EPHA1: variants seen among roughly 807,000 people sequenced by gnomAD.
EPHA1 encodes the protein EPH receptor A1.
A neutral mutation model predicts 110.1 loss-of-function variants in EPHA1; 92 were observed. That is an observed-to-expected ratio of 0.84 (90% CI 0.71 to 0.99). EPHA1 has a LOEUF of 0.99. EPHA1 is among the 50% of genes least tolerant of loss of function. The pLI is 0.00. For synonymous variants in EPHA1, 500 were observed against 516.1 expected, an observed-to-expected ratio of 0.97 and a Z score of 0.42; for missense variants, 1,204 against 1,285.4, an observed-to-expected ratio of 0.94 and a Z score of 0.97.
In EPHA1 at chr7:143,393,908, C is replaced by T. The variant is rs772319485; in HGVS notation, c.2503-44G>A. ...GGATGCTCTAGAGTAGCAAGCTAAC[C>T]TGGAGGCCCATGAGAAACCGACGGT... On this transcript the variant is annotated intron_variant, in intron 15 of 17. Transcript: ENST00000275815. The surrounding 1 kb of genome is among the most constrained non-coding windows in gnomAD (Gnocchi z 5.6). 6.6e-7 allele frequency: 1 copy of T among 1,508,958 alleles called. No homozygotes were observed. The highest frequency in any genetic ancestry group is 8.9e-7 in the Non-Finnish European group (1 of 1,127,802). 93.5% of individuals were successfully genotyped at this position (1,508,958 alleles called of 1,614,324 possible).
In EPHA1 at chr7:143,399,128, G is replaced by A. The variant is rs1563118083; in HGVS notation, c.991+130C>T. On this transcript the variant is annotated intron_variant, in intron 5 of 17. Coordinates refer to ENST00000275815, the MANE Select transcript of EPHA1 (RefSeq NM_005232.5). ...GGGAGAGCAGGGTGCCAGGGCAGGG[G>A]CTAAAAGTGCCTGACACCCTGGACC... The A allele has an allele frequency of 3.0e-6, 4 of 1,315,552 alleles. No individual in the cohort carries two copies. In the South Asian group the frequency reaches 5.5e-5, roughly 18 times the overall value. The allele number at this position is 1,315,552 out of a possible 1,614,324, so 81.5% of individuals were successfully genotyped here. A position where few individuals can be genotyped will look rare whatever the true frequency, so the allele number is the denominator to read the frequency against.
At chr7:143,391,836 C>G in intron 16 of EPHA1, 61 bp from the exon 17 acceptor site, 6 of 1,587,080 alleles carry the variant, frequency 3.8e-6, no homozygotes, top group Admixed American at 3.4e-5. Flanking sequence ...TGGCCTTGGC[C>G]TCTGAGCATC....
At chr7:143,402,084 T>G (rs1196496222) in intron 2 of EPHA1, among the ~76,000 whole-genome samples, 2 of 142,630 alleles carry the variant, frequency 1.4e-5, no homozygotes, top group Non-Finnish European at 3.1e-5. Flanking sequence ...CACTGGGCTA[T>G]TTTTTCTTTC....
chr7:143,396,048 A>G (rs921823779), intron 11 of EPHA1, among the ~76,000 whole-genome samples: 2 of 152,196 alleles, frequency 1.3e-5, no homozygotes, highest in Non-Finnish European at 2.9e-5. Context: ...TGAGTCCTAC[A>G]TTTGGGCATC....
rs1241651821 is a variant in EPHA1 at position 143,395,669 on chromosome 7, G to A, written c.1898-165C>T. ...GGGCTGTCCTTCCTGGGGAAGGTCA[G>A]AGTCTGGAGCTGGAGTGCAATGCCG... On this transcript the variant is annotated intron_variant, in intron 11 of 17. Transcript: ENST00000275815. The surrounding 1 kb of genome is among the most constrained non-coding windows in gnomAD (Gnocchi z 4.7). 2 of 699,718 alleles carry A rather than the reference G, an allele frequency of 2.9e-6. No individual in the cohort carries two copies. Among genetic ancestry groups the A allele is most frequent in the Non-Finnish European group, 4.7e-6 (2 of 427,452 alleles). 43.3% of individuals were successfully genotyped at this position (699,718 alleles called of 1,614,324 possible).
rs751843044 is a variant in EPHA1 at position 143,399,730 on chromosome 7, A to G, written c.756T>C (p.Asp252=). The G allele has an allele frequency of 6.2e-7, 1 of 1,613,964 alleles. No homozygotes were observed. The change falls in exon 4 of 18, where the codon GAT becomes GAC. Residue 252 remains aspartate, a synonymous_variant. Coordinates refer to ENST00000275815, the MANE Select transcript of EPHA1 (RefSeq NM_005232.5). ...SGAPRMHCSP[D]GEWLVPVGRC... is the part of the protein sequence containing the mutation. ...GTCCTACAGGCACCAGCCACTCGCCATCAGGGCTGCAGTGCATGCGGGGTG... is the reference window on the plus strand; with the variant it reads ...GTCCTACAGGCACCAGCCACTCGCCGTCAGGGCTGCAGTGCATGCGGGGTG...
chr7:143,406,892 G>C (rs1302263696), intron 2 of EPHA1, among the ~76,000 whole-genome samples: 3 of 152,284 alleles, frequency 2.0e-5, no homozygotes, highest in Middle Eastern at 3.4e-3. Flanking sequence ...TGCTCTCTCA[G>C]ACCCACCTCA....
Position 143,395,557 on chromosome 7 carries a change from G to A in EPHA1, c.1898-53C>T. The A allele has an allele frequency of 3.2e-6, 5 of 1,584,830 alleles. No homozygotes were observed. Among genetic ancestry groups the A allele is most frequent in the Non-Finnish European group, 4.3e-6 (5 of 1,161,058 alleles). On this transcript the variant is annotated intron_variant, in intron 11 of 17. Transcript: ENST00000275815. This position sits in a 1 kb window ranked among gnomAD's most constrained non-coding sequence, Gnocchi z 4.7. Reference sequence around the variant, plus strand: ...CCGATGCACTGCAGGGCTCCTCCAGGGGACAGGCAGCAACCCCTCCAGTCC... The same window carrying A: ...CCGATGCACTGCAGGGCTCCTCCAGAGGACAGGCAGCAACCCCTCCAGTCC...
rs1805426492 is a variant in EPHA1, at chr7:143,401,731, C to G, written c.151-126G>C. The G allele has an allele frequency of 8.9e-7, 1 of 1,129,614 alleles. No individual in the cohort carries two copies. Among genetic ancestry groups the G allele is most frequent in the Non-Finnish European group, 1.3e-6 (1 of 791,970 alleles). The allele number at this position is 1,129,614 out of a possible 1,614,324, so 70.0% of individuals were successfully genotyped here. Reference sequence around the variant, plus strand: ...GGTTTATGCTACTTGTTCTGCCTCTCCCCACCCCTCAGCTCCAGGACAGTA... The same window carrying G: ...GGTTTATGCTACTTGTTCTGCCTCTGCCCACCCCTCAGCTCCAGGACAGTA... On this transcript the variant is annotated intron_variant, in intron 2 of 17. Coordinates refer to ENST00000275815, the MANE Select transcript of EPHA1 (RefSeq NM_005232.5). This position sits in a 1 kb window ranked among gnomAD's most constrained non-coding sequence, Gnocchi z 4.1.
intron 8 of EPHA1, 101 bp from the exon 9 acceptor site, chr7:143,397,758 C>T (rs1805299491): frequency 6.6e-7 from 1 of 1,514,570 alleles, no homozygotes; most frequent in East Asian, 2.3e-5. Flanking sequence ...TCAGACCTTT[C>T]AGTGTGCATC....
chr7:143,397,774 G>A (rs576721214), intron 8 of EPHA1, 117 bp from the exon 9 acceptor site: 46 of 1,513,662 alleles, frequency 3.0e-5, no homozygotes, highest in Non-Finnish European at 3.8e-5. Context: ...GCATCAGGTC[G>A]GTGTCTGTCC....
rs770766668 is a variant in EPHA1, at chr7:143,393,679, A to C, written c.2688T>G (p.Phe896Leu). ...TTCCCCTGCATGGTTACCTGGGGTC[A>C]AAGTTGGCAATGGTCCGCAGGGAGT... ...NPHSLRTIAN[F>L]DPRMTLRLPS... Residue 896 changes from phenylalanine (F) to leucine (L), a missense_variant, in exon 16 of 18, where the codon TTT becomes TTG. Coordinates refer to ENST00000275815, the MANE Select transcript of EPHA1 (RefSeq NM_005232.5). This position sits in a 1 kb window ranked among gnomAD's most constrained non-coding sequence, Gnocchi z 5.6. The C allele has an allele frequency of 1.9e-6, 3 of 1,613,492 alleles. No homozygotes were observed. Among genetic ancestry groups the C allele is most frequent in the Admixed American group, 1.7e-5 (1 of 59,962 alleles).
At position 143,394,952 on chromosome 7, in the gene EPHA1, G is replaced by C. The variant is rs192239855; in HGVS notation, c.2208C>G (p.Gly736=). 1 of 1,614,162 alleles carries C rather than the reference G, an allele frequency of 6.2e-7. No homozygotes were observed. Among genetic ancestry groups the C allele is most frequent in the African/African-American group, 1.3e-5 (1 of 75,038 alleles). The part of the protein sequence containing the change: ...LVAMLQGIAS[G]MNYLSNHNYV... ...AATTGTGATTACTGAGGTAGTTCATGCCAGATGCTATGCCCTGCAGCATGG... is the reference window on the plus strand; with the variant it reads ...AATTGTGATTACTGAGGTAGTTCATCCCAGATGCTATGCCCTGCAGCATGG... Residue 736 remains glycine, a synonymous_variant, in exon 14 of 18, where the codon GGC becomes GGG. Coordinates refer to ENST00000275815, the MANE Select transcript of EPHA1 (RefSeq NM_005232.5).
At chr7:143,407,813 G>T (rs1234227037) in intron 1 of EPHA1, 135 bp from the exon 2 acceptor site, 1 of 705,098 alleles carries the variant, frequency 1.4e-6, no homozygotes, top group Non-Finnish European at 2.4e-6. Context: ...TGAGGCTTAG[G>T]GGAGAAAAAG....
Position 143,401,402 on chromosome 7 carries a change from G to A in EPHA1, c.354C>T (p.Cys118=), listed in dbSNP as rs1805410974. The change falls in exon 3 of 18, where the codon TGC becomes TGT. Residue 118 remains cysteine (C), a synonymous_variant. Transcript: ENST00000275815. The surrounding 1 kb of genome is among the most constrained non-coding windows in gnomAD (Gnocchi z 4.1). ...SFPGGAGPLG[C]KETFNLLYME... ...TGTACAGAAGGTTGAAGGTCTCCTT[G>A]CAGCCCAGAGGCCCGGCTCCCCCAG... The A allele has an allele frequency of 2.5e-6, 4 of 1,614,138 alleles. No homozygotes were observed. Among genetic ancestry groups the A allele is most frequent in the Non-Finnish European group, 2.5e-6 (3 of 1,180,028 alleles).
chr7:143,394,356 A>G lies in EPHA1; in HGVS notation c.2353-13T>C, dbSNP rs1563114825. On this transcript the variant is annotated splice_polypyrimidine_tract_variant and intron_variant, in intron 14 of 17. Coordinates refer to ENST00000275815, the MANE Select transcript of EPHA1 (RefSeq NM_005232.5). ...GGATCTTTCCTCCCTAAGAAGGCAC[A>G]TGGGTCAGGGACGGAAAGTTATGGT... is the stretch of plus-strand genomic sequence containing the variant. 3.1e-6 allele frequency: 5 copies of G among 1,612,526 alleles called. No homozygotes were observed. The highest frequency in any genetic ancestry group is 4.2e-6 in the Non-Finnish European group (5 of 1,179,030).
chr7:143,394,489 C>T lies in EPHA1; in HGVS notation c.2353-146G>A, dbSNP rs144863123. 708 of 1,040,756 alleles carry T rather than the reference C, an allele frequency of 6.8e-4. 5 individuals carry two copies. In the African/African-American group the frequency reaches 9.7e-3, roughly 14 times the overall value. 64.5% of individuals were successfully genotyped at this position (1,040,756 alleles called of 1,614,324 possible). A position where few individuals can be genotyped will look rare whatever the true frequency, so the allele number is the denominator to read the frequency against. ...AGGCTGCAGTGCAGTGGCGCAATCTCGGCTCACTGCAACCTCCACCTCCCA... is the reference window on the plus strand; with the variant it reads ...AGGCTGCAGTGCAGTGGCGCAATCTTGGCTCACTGCAACCTCCACCTCCCA... On this transcript the variant is annotated intron_variant, in intron 14 of 17. Transcript: ENST00000275815.
chr7:143,394,877 C>G lies in EPHA1; in HGVS notation c.2283G>C (p.Leu761=). 1 of 1,614,148 alleles carries G rather than the reference C, an allele frequency of 6.2e-7. No homozygotes were observed. Among genetic ancestry groups the G allele is most frequent in the Non-Finnish European group, 8.5e-7 (1 of 1,180,026 alleles). The change falls in exon 14 of 18, where the codon CTG becomes CTC. Residue 761 remains leucine (L), a synonymous_variant. Coordinates refer to ENST00000275815, the MANE Select transcript of EPHA1 (RefSeq NM_005232.5). ...GGCCAAAGTCAGACACCTTGCAGCA[C>G]AGGTTTTGATTCACCAAGATGTTTC... ...AARNILVNQN[L]CCKVSDFGLT... is the part of the protein sequence containing the mutation.
In EPHA1 at chr7:143,398,362, G is replaced by A. The variant is rs187179716; in HGVS notation, c.1423C>T (p.Pro475Ser). The A allele has an allele frequency of 2.2e-4, 348 of 1,614,104 alleles. No homozygotes were observed. Among genetic ancestry groups the A allele is most frequent in the Non-Finnish European group, 2.9e-5 (34 of 1,179,988 alleles). ...AGCTCATAGGTCAGGTTCGCCCCAG[G>A]GCTTCGGGGCCGGGACCCCGCCCAG... Reference protein sequence around the residue: ...LTWAGSRPRSPGANLTYELHV... With the variant: ...LTWAGSRPRSSGANLTYELHV... The change falls in exon 7 of 18, where the codon CCT becomes TCT. Residue 475 changes from proline (P) to serine (S), a missense_variant. Pro to Ser is a moderately conservative substitution (Grantham distance 74). Transcript: ENST00000275815.
Sources: gnomAD v4.1 joint callset for allele counts (sites outside exome capture counted in the v4.1 genomes callset) on GRCh38, gnomAD v4.1.1 for gene constraint, Gnocchi (gnomAD v3.1) non-coding constraint, MANE v1.5 for transcripts, NCBI Gene and HGNC (gene_info 2026-07-23, HGNC 2026-07-21) for gene names.